NRXN1: variants seen among roughly 807,000 people sequenced by gnomAD.
NRXN1 encodes neurexin 1, also known as neurexin-1.
A neutral mutation model predicts 150.9 loss-of-function variants in NRXN1; 39 were observed. The observed-to-expected ratio is 0.26, with a 90% confidence interval of 0.20 to 0.34. The LOEUF is 0.34. Ranked by LOEUF, NRXN1 falls within the 10% of genes least tolerant of loss-of-function variation. The probability of loss-of-function intolerance (pLI) is 1.00; values close to 1 mark genes in which losing one functional copy is unlikely to be tolerated. For missense variants in NRXN1, 1,815 were observed against 1,949.9 expected (o/e 0.93, Z 1.30); for synonymous variants, 924 against 757.0 (o/e 1.22, Z -3.62).
chr2:50,277,153 CA>C (rs1272138390), intron 17 of NRXN1, among the ~76,000 whole-genome samples: 1 of 151,802 alleles, frequency 6.6e-6, no homozygotes, highest in African/African-American at 2.4e-5. Flanking sequence ...ACAACAACAA[CA>C]AAAAAAGCCT....
At chr2:50,263,482 C>T (rs1435537160) in intron 17 of NRXN1, among the ~76,000 whole-genome samples, 1 of 151,994 alleles carries the variant, frequency 6.6e-6, no homozygotes, top group African/African-American at 2.4e-5. Flanking sequence ...TCTTCAAACA[C>T]ATATGAACAA....
At chr2:50,265,013 T>C (rs1235584804) in intron 17 of NRXN1, among the ~76,000 whole-genome samples, 1 of 152,152 alleles carries the variant, frequency 6.6e-6, no homozygotes, top group Non-Finnish European at 1.5e-5. Flanking sequence ...AAGCATTAAT[T>C]ACATGTAGAA....
chr2:50,527,276 C>A (rs2092979179), intron 12 of NRXN1, among the ~76,000 whole-genome samples: 1 of 152,130 alleles, frequency 6.6e-6, no homozygotes, highest in African/African-American at 2.4e-5. Context: ...GCCACTTTGC[C>A]TGCATCTATG....
At chr2:49,955,996 A>G (rs1175312892) in intron 21 of NRXN1, among the ~76,000 whole-genome samples, 2 of 152,118 alleles carry the variant, frequency 1.3e-5, no homozygotes, top group African/African-American at 4.8e-5. Flanking sequence ...TGGCGCATGC[A>G]ATCCAGTTTC....
At chr2:50,893,003 C>T (rs1174053136) in intron 5 of NRXN1, among the ~76,000 whole-genome samples, 5 of 152,126 alleles carry the variant, frequency 3.3e-5, no homozygotes, top group Admixed American at 2.0e-4. Flanking sequence ...GCCATTTTCA[C>T]CCAAACAAGA....
chr2:50,749,300 C>T, intron 5 of NRXN1, among the ~76,000 whole-genome samples: 1 of 152,052 alleles, frequency 6.6e-6, no homozygotes. Context: ...ATCTATTCTG[C>T]ATTGTTCAGA....
chr2:49,995,509 C>T (rs13029448), intron 21 of NRXN1, among the ~76,000 whole-genome samples: 7 of 151,914 alleles, frequency 4.6e-5, no homozygotes, highest in African/African-American at 1.2e-4. Context: ...AGGCCGGGCG[C>T]GGTGGCTCAC....
intron 18 of NRXN1, among the ~76,000 whole-genome samples, chr2:50,095,447 A>C (rs745552731): frequency 7.9e-5 from 12 of 152,148 alleles, no homozygotes; most frequent in Non-Finnish European, 1.8e-4. Context: ...ACTGGAAAAA[A>C]TTCTTGCAGT....
intron 5 of NRXN1, among the ~76,000 whole-genome samples, chr2:50,799,724 G>T (rs1707326651): frequency 6.6e-6 from 1 of 152,144 alleles, no homozygotes; most frequent in Non-Finnish European, 1.5e-5. Context: ...CTCTGATCAT[G>T]TTTAGTCTAG....
chr2:50,924,392 G>A (rs567427393), intron 3 of NRXN1, among the ~76,000 whole-genome samples: 9 of 151,782 alleles, frequency 5.9e-5, no homozygotes, highest in African/African-American at 1.9e-4. Context: ...CTTACCATGG[G>A]ATGAGTGTGT....
At chr2:50,466,425 G>A (rs2088855015) in intron 16 of NRXN1, 2 of 466,860 alleles carry the variant, frequency 4.3e-6, no homozygotes, top group South Asian at 1.6e-5. Flanking sequence ...GTATTATGGG[G>A]TTTCAGTCTT....
intron 5 of NRXN1, chr2:50,919,464 A>T (rs928093065): frequency 1.3e-5 from 2 of 151,752 alleles, no homozygotes; most frequent in East Asian, 3.9e-4. Context: ...AATCAAAATA[A>T]TGAAGATGTT....
At chr2:50,755,797 T>C (rs1002216409) in intron 5 of NRXN1, among the ~76,000 whole-genome samples, 3 of 151,906 alleles carry the variant, frequency 2.0e-5, no homozygotes, top group Admixed American at 6.6e-5. Context: ...TGTTCTTTAA[T>C]TGTAGGCCAA....
At chr2:50,628,667 C>T (rs923339113) in intron 5 of NRXN1, among the ~76,000 whole-genome samples, 2 of 151,718 alleles carry the variant, frequency 1.3e-5, no homozygotes, top group Admixed American at 6.6e-5. Context: ...AATAAGTCTA[C>T]GTCCATTTTT....
At chr2:50,945,561 T>C (rs1575014868) in intron 2 of NRXN1, among the ~76,000 whole-genome samples, 1 of 151,744 alleles carries the variant, frequency 6.6e-6, no homozygotes, top group East Asian at 1.9e-4. Context: ...TAAAACTTTA[T>C]CAAAAAATAG....
intron 5 of NRXN1, among the ~76,000 whole-genome samples, chr2:50,764,194 T>G (rs1346496003): frequency 1.3e-5 from 2 of 151,868 alleles, no homozygotes; most frequent in Non-Finnish European, 2.9e-5. Context: ...AAATACCTAC[T>G]ACATGCCAGA....
At chr2:50,562,498 A>G (rs1474223241) in intron 8 of NRXN1, among the ~76,000 whole-genome samples, 1 of 152,072 alleles carries the variant, frequency 6.6e-6, no homozygotes, top group Non-Finnish European at 1.5e-5. Context: ...CTTTGAAAAA[A>G]ATTTCTCCAA....
At chr2:50,406,355 T>A (rs2082749717) in intron 17 of NRXN1, among the ~76,000 whole-genome samples, 1 of 152,126 alleles carries the variant, frequency 6.6e-6, no homozygotes. Flanking sequence ...ACTTTTAAAG[T>A]CTGTCTGGAT....
chr2:50,100,100 G>C (rs1251054610), intron 18 of NRXN1, among the ~76,000 whole-genome samples: 1 of 152,072 alleles, frequency 6.6e-6, no homozygotes, highest in Non-Finnish European at 1.5e-5. Context: ...TAAAAAAATA[G>C]AAAAACTCTA....
Sources: allele counts gnomAD v4.1 joint callset (sites outside exome capture counted in the v4.1 genomes callset), GRCh38; gene constraint gnomAD v4.1.1; transcripts MANE v1.5; gene names NCBI Gene and HGNC (gene_info 2026-07-23, HGNC 2026-07-21).